Variants in DIAPH2 observed in about 807,000 individuals in gnomAD.
DIAPH2 encodes diaphanous related formin 2, also known as protein diaphanous homolog 2.
A neutral mutation model predicts 92.7 loss-of-function variants in DIAPH2; 35 were observed. The observed-to-expected ratio is 0.38, with a 90% CI of 0.29 to 0.50. The LOEUF (loss-of-function observed/expected upper bound fraction) is 0.50, where lower values mean the gene tolerates loss of function less well. Among genes scored for constraint, DIAPH2 ranks in the 20% least tolerant of loss-of-function variants. DIAPH2 has a pLI of 0.94. For missense variants in DIAPH2, 701 were observed against 819.5 expected (o/e 0.86, Z 1.77); for synonymous variants, 301 against 280.4 (o/e 1.07, Z -0.73).
intron 9 of DIAPH2, among the ~76,000 whole-genome samples, chrX:96,920,013 T>A (rs775165622): frequency 4.8e-4 from 53 of 110,181 alleles, no homozygotes; most frequent in African/African-American, 1.7e-3. Flanking sequence ...CCCAAGTAGC[T>A]GGGATTACAG....
In DIAPH2 at chrX:96,964,979, TTAGAGGA is replaced by T. The variant is rs746783259; in HGVS notation, c.1936-106_1936-100del. 44 of 755,169 alleles carry T rather than the reference TTAGAGGA, an allele frequency of 5.8e-5. No individual in the cohort carries two copies. The African/African-American group carries it at 9.0e-4, about 15-fold the overall frequency. 62.2% of individuals were successfully genotyped at this position (755,169 alleles called of 1,213,427 possible). On this transcript the variant is annotated intron_variant, in intron 16 of 26. Coordinates refer to ENST00000324765, the MANE Select transcript of DIAPH2 (RefSeq NM_006729.5). Reference sequence around the variant, plus strand: ...TATTTAGATACATCCTGAAATTGACTTAGAGGATAGAGGAATAAAGGAACTGTCATTC... The same window carrying T: ...TATTTAGATACATCCTGAAATTGACTTAGAGGAATAAAGGAACTGTCATTC...
chrX:97,535,260 T>C (rs1015156692), intron 26 of DIAPH2, among the ~76,000 whole-genome samples: 1 of 112,027 alleles, frequency 8.9e-6, no homozygotes, highest in Admixed American at 9.5e-5. Flanking sequence ...CAGGGGAAAG[T>C]GGGTACAGAG....
At chrX:97,294,211 A>G (rs967180728) in intron 23 of DIAPH2, among the ~76,000 whole-genome samples, 2 of 112,088 alleles carry the variant, frequency 1.8e-5, no homozygotes, top group African/African-American at 3.2e-5. Flanking sequence ...ACTTTCACCC[A>G]TAAATTATCT....
intron 22 of DIAPH2, among the ~76,000 whole-genome samples, chrX:97,182,079 G>A (rs1366830852): frequency 3.6e-5 from 4 of 111,269 alleles, no homozygotes. Context: ...GGACAAGTTA[G>A]GGATCCAGGT....
chrX:97,577,402 A>G (rs2071405899), intron 26 of DIAPH2, among the ~76,000 whole-genome samples: 4 of 112,312 alleles, frequency 3.6e-5, no homozygotes, highest in Admixed American at 1.9e-4. Context: ...GCCATCCCAG[A>G]ACTCTCCTCT....
chrX:97,431,680 A>G (rs1180355610), intron 26 of DIAPH2: 1 of 112,727 alleles, frequency 8.9e-6, no homozygotes, highest in African/African-American at 3.2e-5. Flanking sequence ...CAGTCATTCC[A>G]AGTGGCAGCA....
chrX:96,785,850 A>G (rs1178296811), intron 4 of DIAPH2, among the ~76,000 whole-genome samples: 1 of 111,036 alleles, frequency 9.0e-6, no homozygotes, highest in Non-Finnish European at 1.9e-5. Flanking sequence ...CACCTCCCAA[A>G]GTTCCTACCT....
chrX:96,706,196 A>G (rs1055427715), intron 1 of DIAPH2, among the ~76,000 whole-genome samples: 3 of 112,302 alleles, frequency 2.7e-5, no homozygotes, highest in Non-Finnish European at 3.8e-5. Context: ...TCTTATTTGA[A>G]TAGGCCATGT....
At position 96,811,659 on chromosome X, in the gene DIAPH2, C is replaced by G. The variant is rs180990486; in HGVS notation, c.447+53401C>G. Among the ~76,000 whole-genome samples, 27 of 111,354 alleles carry G rather than the reference C, an allele frequency of 2.4e-4. No homozygotes were observed. The East Asian group carries it at 6.2e-3, about 26-fold the overall frequency. On this transcript the variant is annotated intron_variant, in intron 4 of 26. Coordinates refer to ENST00000324765, the MANE Select transcript of DIAPH2 (RefSeq NM_006729.5). ...TCAGTATGATATTGGCTGTGGGTTT[C>G]TCATAAATAGCTCTTATGATTTTGA... is the stretch of plus-strand genomic sequence containing the variant.
chrX:96,987,791 A>G (rs1231785919), intron 17 of DIAPH2, among the ~76,000 whole-genome samples: 1 of 110,971 alleles, frequency 9.0e-6, no homozygotes, highest in African/African-American at 3.3e-5. Context: ...CTTTGGGGTC[A>G]CTGTATCTTG....
At chrX:97,566,536 A>G (rs2071329028) in intron 26 of DIAPH2, among the ~76,000 whole-genome samples, 1 of 111,922 alleles carries the variant, frequency 8.9e-6, no homozygotes, top group African/African-American at 3.2e-5. Flanking sequence ...AACTGACAGC[A>G]AATTTGTCAA....
intron 26 of DIAPH2, among the ~76,000 whole-genome samples, chrX:97,545,543 T>A (rs865874501): frequency 0.021 from 2,102 of 102,108 alleles, 18 homozygotes; most frequent in Middle Eastern, 0.05. Context: ...AATATATATA[T>A]ATATATATAT....
chrX:97,292,278 C>T (rs2147614033), intron 23 of DIAPH2, among the ~76,000 whole-genome samples: 1 of 110,518 alleles, frequency 9.0e-6, no homozygotes, highest in South Asian at 3.9e-4. Flanking sequence ...AAGCAGTCCT[C>T]CTGTGTCACC....
intron 4 of DIAPH2, among the ~76,000 whole-genome samples, chrX:96,816,918 T>G (rs2064740171): frequency 8.9e-6 from 1 of 112,239 alleles, no homozygotes; most frequent in Non-Finnish European, 1.9e-5. Flanking sequence ...TCCTGTCATT[T>G]GCAACAACAT....
At chrX:96,782,912 A>T in intron 4 of DIAPH2, among the ~76,000 whole-genome samples, 1 of 111,684 alleles carries the variant, frequency 9.0e-6, no homozygotes, top group Non-Finnish European at 1.9e-5. Context: ...GGATGGGGGA[A>T]GCCACATTTT....
At chrX:97,170,186 T>A (rs2067441527) in intron 22 of DIAPH2, among the ~76,000 whole-genome samples, 1 of 111,084 alleles carries the variant, frequency 9.0e-6, no homozygotes. Flanking sequence ...AAGTCCAACC[T>A]GGACATGTAA....
chrX:97,397,716 T>C (rs1984726754), intron 25 of DIAPH2, among the ~76,000 whole-genome samples: 2 of 111,967 alleles, frequency 1.8e-5, no homozygotes, highest in Admixed American at 9.5e-5. Flanking sequence ...AGCTAATAAT[T>C]TTACGCAGTT....
intron 26 of DIAPH2, among the ~76,000 whole-genome samples, chrX:97,579,035 A>C (rs1160265772): frequency 2.0e-5 from 2 of 99,483 alleles, no homozygotes; most frequent in African/African-American, 7.3e-5. Context: ...TTTTTCTTGT[A>C]AATTTGTTTG....
chrX:97,151,102 T>C lies in DIAPH2; in HGVS notation c.2719+9308T>C, dbSNP rs1228866689. Among the ~76,000 whole-genome samples the C allele has an allele frequency of 2.7e-5, 3 of 111,846 alleles. No homozygotes were observed. In the East Asian group the frequency reaches 8.4e-4, roughly 31 times the overall value. On this transcript the variant is annotated intron_variant, in intron 22 of 26. Coordinates refer to ENST00000324765, the MANE Select transcript of DIAPH2 (RefSeq NM_006729.5). Reference sequence around the variant, plus strand: ...ATTTTAGAATTCATTATAATAGTTATTCTTAGGGTGGGTTCATGATTGGAA... The same window carrying C: ...ATTTTAGAATTCATTATAATAGTTACTCTTAGGGTGGGTTCATGATTGGAA...
Sources: gnomAD v4.1 joint callset for allele counts (sites outside exome capture counted in the v4.1 genomes callset) on GRCh38, gnomAD v4.1.1 for gene constraint, MANE v1.5 for transcripts, NCBI Gene and HGNC (gene_info 2026-07-23, HGNC 2026-07-21) for gene names.